HEMK2: variants seen among roughly 807,000 people sequenced by gnomAD.
HEMK2 encodes the protein methyltransferase HEMK2.
chr21:28,790,945 C>G, the HEMK2 span, among the ~76,000 whole-genome samples: 1 of 151,478 alleles, frequency 6.6e-6, no homozygotes, highest in Non-Finnish European at 1.5e-5. Context: ...AACTAACCTG[C>G]ACATTGTGCA....
chr21:28,689,769 T>A, the HEMK2 span, among the ~76,000 whole-genome samples: 1 of 152,132 alleles, frequency 6.6e-6, no homozygotes, highest in African/African-American at 2.4e-5. Flanking sequence ...TGTGATCACA[T>A]GAGCCCTTCA....
At chr21:28,763,390 A>G in the HEMK2 span, among the ~76,000 whole-genome samples, 2 of 152,088 alleles carry the variant, frequency 1.3e-5, no homozygotes, top group Non-Finnish European at 2.9e-5. Context: ...AGGAAGCAAG[A>G]GAGAGAGCAA....
chr21:28,590,417 T>TA, the HEMK2 span, among the ~76,000 whole-genome samples: 29 of 150,828 alleles, frequency 1.9e-4, no homozygotes, highest in Admixed American at 4.6e-4. Context: ...TAATGAAAAA[T>TA]AAAAAAAAAC....
chr21:28,714,300 A>ATTTCTACTC, the HEMK2 span, among the ~76,000 whole-genome samples: 1 of 152,178 alleles, frequency 6.6e-6, no homozygotes, highest in Admixed American at 6.6e-5. Flanking sequence ...TAGATATATT[A>ATTTCTACTC]TTTCTACTCT....
the HEMK2 span, among the ~76,000 whole-genome samples, chr21:28,808,842 ATATTAG>A: frequency 6.6e-6 from 1 of 152,136 alleles, no homozygotes; most frequent in Non-Finnish European, 1.5e-5. Context: ...TCTGCTCTTT[ATATTAG>A]TATTTAACAA....
At chr21:28,615,696 C>T in the HEMK2 span, among the ~76,000 whole-genome samples, 1 of 152,100 alleles carries the variant, frequency 6.6e-6, no homozygotes, top group East Asian at 1.9e-4. Context: ...ACTGGAAAAC[C>T]CAAAGTGAAA....
the HEMK2 span, among the ~76,000 whole-genome samples, chr21:28,716,555 G>C: frequency 6.6e-6 from 1 of 152,108 alleles, no homozygotes; most frequent in African/African-American, 2.4e-5. Flanking sequence ...GGGCTTTCTA[G>C]ATATCAAATC....
At chr21:28,618,251 T>C in the HEMK2 span, among the ~76,000 whole-genome samples, 3 of 152,318 alleles carry the variant, frequency 2.0e-5, no homozygotes, top group African/African-American at 4.8e-5. Context: ...CATAGCTTCT[T>C]CCTCTGTGAC....
chr21:28,589,687 T>C, the HEMK2 span, among the ~76,000 whole-genome samples: 3 of 152,220 alleles, frequency 2.0e-5, no homozygotes, highest in Admixed American at 6.5e-5. Context: ...AGATTTGAGT[T>C]GGAAAAATCA....
At chr21:28,876,471 T>C in the HEMK2 span, 1 of 1,604,164 alleles carries the variant, frequency 6.2e-7, no homozygotes, top group African/African-American at 1.3e-5. Context: ...CCTTTTGTCT[T>C]CATTATTTTC....
At chr21:28,741,460 T>C in the HEMK2 span, among the ~76,000 whole-genome samples, 2 of 152,232 alleles carry the variant, frequency 1.3e-5, no homozygotes, top group African/African-American at 2.4e-5. Context: ...TAAACTTGTG[T>C]CATGGGGGTT....
the HEMK2 span, among the ~76,000 whole-genome samples, chr21:28,835,911 T>C: frequency 1.2e-3 from 186 of 151,696 alleles, no homozygotes; most frequent in African/African-American, 4.2e-3. Flanking sequence ...GACATGGTCG[T>C]CAAATTAACC....
chr21:28,641,792 A>T, the HEMK2 span, among the ~76,000 whole-genome samples: 14 of 152,222 alleles, frequency 9.2e-5, no homozygotes, highest in Admixed American at 2.0e-4. Context: ...TCTCTCTCTC[A>T]GCTAGAACTG....
At chr21:28,646,421 G>A in the HEMK2 span, among the ~76,000 whole-genome samples, 1 of 152,208 alleles carries the variant, frequency 6.6e-6, no homozygotes, top group African/African-American at 2.4e-5. Flanking sequence ...ATTTCCCTGA[G>A]AGTGGAGGGG....
chr21:28,885,340 T>C, the HEMK2 span: 10 of 1,570,002 alleles, frequency 6.4e-6, no homozygotes, highest in Admixed American at 3.5e-5. Context: ...AGTTCTCCCC[T>C]GCCATAGTCC....
the HEMK2 span, among the ~76,000 whole-genome samples, chr21:28,819,563 T>C: frequency 2.3e-4 from 34 of 147,904 alleles, no homozygotes; most frequent in Middle Eastern, 3.5e-3. Flanking sequence ...TTTTTTTTTT[T>C]CAGACAGAGT....
At chr21:28,760,898 T>G in the HEMK2 span, among the ~76,000 whole-genome samples, 1 of 152,176 alleles carries the variant, frequency 6.6e-6, no homozygotes, top group Non-Finnish European at 1.5e-5. Context: ...TTCTACTTTA[T>G]TCGGGGATAA....
chr21:28,643,922 A>G, the HEMK2 span, among the ~76,000 whole-genome samples: 1 of 152,214 alleles, frequency 6.6e-6, no homozygotes, highest in Non-Finnish European at 1.5e-5. Context: ...CTAAGGCTTC[A>G]TCTTCCTCTA....
chr21:28,587,954 G>A, the HEMK2 span, among the ~76,000 whole-genome samples: 1 of 152,228 alleles, frequency 6.6e-6, no homozygotes, highest in East Asian at 1.9e-4. Context: ...GGAAAAGTAT[G>A]ATGTTGCAAG....
Sources: gnomAD v4.1 joint callset for allele counts (sites outside exome capture counted in the v4.1 genomes callset) on GRCh38, gnomAD v4.1.1 for gene constraint, MANE v1.5 for transcripts, NCBI Gene and HGNC (gene_info 2026-07-23, HGNC 2026-07-21) for gene names.